Variants in CRB1 observed in about 807,000 individuals in gnomAD.
CRB1 encodes the protein crumbs cell polarity complex component 1.
CRB1 carries 83 observed loss-of-function variants against 120.0 expected under a neutral mutation model. That is an observed-to-expected ratio of 0.69 (90% CI 0.58 to 0.83). The LOEUF (loss-of-function observed/expected upper bound fraction) is 0.83, where lower values mean the gene tolerates loss of function less well. CRB1 is among the 40% of genes least tolerant of loss of function. The probability of loss-of-function intolerance (pLI) is 0.00; values close to 1 mark genes in which losing one functional copy is unlikely to be tolerated. For synonymous variants in CRB1, 625 were observed against 612.5 expected (o/e 1.02, Z -0.30); for missense variants, 1,699 against 1,687.6 (o/e 1.01, Z -0.12).
At chr1:197,313,094 G>A (rs542486637) in intron 1 of CRB1, among the ~76,000 whole-genome samples, 51 of 152,282 alleles carry the variant, frequency 3.3e-4, no homozygotes, top group Non-Finnish European at 5.3e-4. Context: ...ATGGCCAAAG[G>A]TGAAGGGGAA....
chr1:197,252,081 C>A, the CRB1 span, among the ~76,000 whole-genome samples: 1 of 151,816 alleles, frequency 6.6e-6, no homozygotes, highest in Non-Finnish European at 1.5e-5. Flanking sequence ...GGTCAGCAAT[C>A]TTTTTTGGTA....
At chr1:197,397,281 G>T (rs1028790556) in intron 5 of CRB1, among the ~76,000 whole-genome samples, 1 of 152,038 alleles carries the variant, frequency 6.6e-6, no homozygotes. Context: ...AGAGAGAGAA[G>T]GAAGGAGAGA....
At chr1:197,475,868 C>T (rs1667174133) in intron 11 of CRB1, among the ~76,000 whole-genome samples, 1 of 152,082 alleles carries the variant, frequency 6.6e-6, no homozygotes, top group African/African-American at 2.4e-5. Context: ...TACTCTTTCC[C>T]TAAATTCTAA....
At chr1:197,459,784 A>G (rs1666440430) in intron 11 of CRB1, among the ~76,000 whole-genome samples, 1 of 152,092 alleles carries the variant, frequency 6.6e-6, no homozygotes, top group Non-Finnish European at 1.5e-5. Flanking sequence ...TCATTTTGGA[A>G]CTCAAAGCAA....
chr1:197,284,405 G>T (rs571121205), intron 1 of CRB1, among the ~76,000 whole-genome samples: 2 of 151,930 alleles, frequency 1.3e-5, no homozygotes, highest in East Asian at 3.9e-4. Flanking sequence ...CCTCCCTTCA[G>T]TTTTTATATC....
At chr1:197,450,841 T>G (rs1231354568) in intron 11 of CRB1, among the ~76,000 whole-genome samples, 4 of 141,480 alleles carry the variant, frequency 2.8e-5, no homozygotes, top group African/African-American at 1.1e-4. Context: ...GCGCCTGTAG[T>G]CCCAGCTACT....
At chr1:197,408,082 A>C (rs1039760737) in intron 5 of CRB1, among the ~76,000 whole-genome samples, 1 of 152,174 alleles carries the variant, frequency 6.6e-6, no homozygotes, top group Non-Finnish European at 1.5e-5. Context: ...ATTCACACTT[A>C]TAAGAGTTAC....
At chr1:197,252,882 G>A in the CRB1 span, among the ~76,000 whole-genome samples, 962 of 151,802 alleles carry the variant, frequency 6.3e-3, 14 homozygotes, top group African/African-American at 0.022. Context: ...GTCTTGTTCT[G>A]TTTGGGTTCT....
chr1:197,411,809 A>T (rs1324193631), intron 5 of CRB1, among the ~76,000 whole-genome samples: 2 of 152,056 alleles, frequency 1.3e-5, no homozygotes, highest in African/African-American at 4.8e-5. Flanking sequence ...ACAAGTACAG[A>T]TTTTTTTACA....
chr1:197,463,500 A>G (rs887837970), intron 11 of CRB1, among the ~76,000 whole-genome samples: 2 of 152,170 alleles, frequency 1.3e-5, no homozygotes, highest in African/African-American at 4.8e-5. Context: ...AGATATGCCA[A>G]CTAAGGGTAA....
At chr1:197,246,230 G>A in the CRB1 span, among the ~76,000 whole-genome samples, 9 of 152,222 alleles carry the variant, frequency 5.9e-5, no homozygotes, top group African/African-American at 1.9e-4. Context: ...GCTGGCATAG[G>A]CAGAGGTGGG....
At chr1:197,268,959 G>A (rs1654756487) in intron 1 of CRB1, among the ~76,000 whole-genome samples, 1 of 152,182 alleles carries the variant, frequency 6.6e-6, no homozygotes, top group African/African-American at 2.4e-5. Context: ...ATGTTTCCCA[G>A]AGGATAATGG....
At chr1:197,418,884 T>C (rs1440246528) in intron 5 of CRB1, among the ~76,000 whole-genome samples, 2 of 152,170 alleles carry the variant, frequency 1.3e-5, no homozygotes, top group Non-Finnish European at 2.9e-5. Flanking sequence ...CCAAGTAAAT[T>C]TCTCATATAA....
Position 197,434,831 on chromosome 1 carries a change from T to C in CRB1, c.2968T>C (p.Leu990=), listed in dbSNP as rs750298942. 3.7e-6 allele frequency: 6 copies of C among 1,613,692 alleles called. No individual in the cohort carries two copies. Among genetic ancestry groups the C allele is most frequent in the African/African-American group, 2.7e-5 (2 of 74,892 alleles). ...FRTRDANVII[L]HAEKEPEFLN... ...AACAAGGGATGCAAATGTAATAATA[T>C]TGCATGCAGAAAAAGAGCCTGAATT... is the stretch of plus-strand genomic sequence containing the variant. Residue 990 remains leucine, a synonymous_variant, in exon 9 of 12, where the codon TTG becomes CTG. Transcript: ENST00000367400.
chr1:197,264,768 G>A (rs1654594754), upstream of CRB1, among the ~76,000 whole-genome samples: 3 of 151,382 alleles, frequency 2.0e-5, no homozygotes, highest in Admixed American at 2.0e-4. Flanking sequence ...ATTACAGGTG[G>A]CTGCCACCAT....
At chr1:197,209,808 C>T in the CRB1 span, among the ~76,000 whole-genome samples, 1 of 152,214 alleles carries the variant, frequency 6.6e-6, no homozygotes, top group African/African-American at 2.4e-5. Context: ...TTTGTCTCAG[C>T]TCCAGGTAAG....
intron 5 of CRB1, chr1:197,413,694 C>A (rs1663820031): frequency 4.9e-6 from 1 of 203,518 alleles, no homozygotes; most frequent in Non-Finnish European, 1.0e-5. Context: ...AGGGGAGGCA[C>A]CATGTGTTAA....
rs746616083 is a variant in CRB1, at chr1:197,434,785, C to G, written c.2922C>G (p.Thr974=). 7 of 1,613,562 alleles carry G rather than the reference C, an allele frequency of 4.3e-6. No individual in the cohort carries two copies. Among genetic ancestry groups the G allele is most frequent in the Non-Finnish European group, 5.9e-6 (7 of 1,179,618 alleles). Residue 974 remains threonine (T), a synonymous_variant, in exon 9 of 12, where the codon ACC becomes ACG. Transcript: ENST00000367400. ...RSNGNITREL[T]NITFGFRTRD... ...ATGGGAATATTACCAGAGAACTCAC[C>G]AATATCACATTTGGTTTCAGAACAA...
intron 1 of CRB1, among the ~76,000 whole-genome samples, chr1:197,301,227 G>A (rs983726743): frequency 2.0e-5 from 3 of 151,348 alleles, no homozygotes; most frequent in Non-Finnish European, 4.4e-5. Context: ...GTGCAGTGGC[G>A]CGACCTCGGC....
Sources: gnomAD v4.1 joint callset for allele counts (sites outside exome capture counted in the v4.1 genomes callset) on GRCh38, gnomAD v4.1.1 for gene constraint, MANE v1.5 for transcripts, NCBI Gene and HGNC (gene_info 2026-07-23, HGNC 2026-07-21) for gene names.